The following DNAH5 variants were observed in gnomAD, a reference collection of about 807,000 sequenced individuals.
The protein encoded by DNAH5 is dynein axonemal heavy chain 5, also known as axonemal beta dynein heavy chain 5.
A neutral mutation model predicts 518.2 loss-of-function variants in DNAH5; 372 were observed. The observed-to-expected ratio is 0.72, with a 90% CI of 0.66 to 0.78. The LOEUF is 0.78. Among genes scored for constraint, DNAH5 ranks in the 30% least tolerant of loss-of-function variants. The probability of loss-of-function intolerance (pLI) is 0.00; values close to 1 mark genes in which losing one functional copy is unlikely to be tolerated. For missense variants in DNAH5, 5,523 were observed against 5,687.0 expected, an observed-to-expected ratio of 0.97 and a Z score of 0.93; for synonymous variants, 2,039 against 2,025.9, an observed-to-expected ratio of 1.01 and a Z score of -0.17.
chr5:13,748,580 G>A (rs1253826927), intron 65 of DNAH5, among the ~76,000 whole-genome samples: 4 of 152,096 alleles, frequency 2.6e-5, no homozygotes, highest in South Asian at 2.1e-4. Flanking sequence ...AGTTCTCCTT[G>A]AAGAGGTCCT....
At chr5:13,770,561 T>G (rs993459949) in intron 56 of DNAH5, among the ~76,000 whole-genome samples, 188 bp downstream of exon 56, 1 of 152,118 alleles carries the variant, frequency 6.6e-6, no homozygotes, top group African/African-American at 2.4e-5. Context: ...GAAAAGAACT[T>G]CAGGAAGTTT....
intron 10 of DNAH5, 140 bp from the exon 11 acceptor site, chr5:13,914,098 C>T (rs1409379124): frequency 1.9e-6 from 2 of 1,044,428 alleles, no homozygotes; most frequent in Non-Finnish European, 2.7e-6. Flanking sequence ...ACTCACTCAT[C>T]AGCCTGGAAA....
chr5:13,966,705 T>C (rs1781551735), intron 1 of DNAH5, among the ~76,000 whole-genome samples: 1 of 152,210 alleles, frequency 6.6e-6, no homozygotes, highest in South Asian at 2.1e-4. Flanking sequence ...TTTGATGGGA[T>C]TGTTTGATTT....
Position 13,719,008 on chromosome 5 carries a change from C to G in DNAH5, c.12373G>C (p.Ala4125Pro), listed in dbSNP as rs757737381. ...IIIETELVHD[A>P]FRLWMTTEAH... ...TCGGTGGTCATCCAGAGGCGGAACGCATCATGTACAAGCTCAGTTTCTATG... is the reference window on the plus strand; with the variant it reads ...TCGGTGGTCATCCAGAGGCGGAACGGATCATGTACAAGCTCAGTTTCTATG... The change falls in exon 72 of 79, where the codon GCG (alanine) becomes CCG (proline). Residue 4125 changes from alanine to proline, a missense_variant. By Grantham distance (27) the Ala-to-Pro change is conservative. Transcript: ENST00000265104. The G allele has an allele frequency of 6.2e-7, 1 of 1,613,954 alleles. No individual in the cohort carries two copies. The highest frequency in any genetic ancestry group is 8.5e-7 in the Non-Finnish European group (1 of 1,179,960).
intron 43 of DNAH5, among the ~76,000 whole-genome samples, chr5:13,812,660 T>G (rs1221872455): frequency 6.6e-6 from 1 of 152,214 alleles, no homozygotes; most frequent in Non-Finnish European, 1.5e-5. Context: ...TTGTTTCTTT[T>G]TATTTCTTCT....
intron 2 of DNAH5, 56 bp from the exon 3 acceptor site, chr5:13,928,234 T>A (rs935468781): frequency 1.5e-6 from 2 of 1,329,052 alleles, no homozygotes; most frequent in African/African-American, 1.4e-5. Context: ...GAAACTGCAA[T>A]TAAATCAGCA....
intron 75 of DNAH5, among the ~76,000 whole-genome samples, chr5:13,713,296 T>TAC (rs1001856481): frequency 6.8e-6 from 1 of 146,532 alleles, no homozygotes; most frequent in African/African-American, 2.5e-5. Context: ...AACATATATA[T>TAC]ACCGACATAT....
intron 70 of DNAH5, among the ~76,000 whole-genome samples, chr5:13,723,233 T>G (rs1745294449): frequency 6.6e-6 from 1 of 152,228 alleles, no homozygotes; most frequent in African/African-American, 2.4e-5. Context: ...TTAATAAGTT[T>G]GCCTGATATG....
Position 13,885,221 on chromosome 5 carries a change from T to C in DNAH5, c.2751A>G (p.Arg917=). 6.2e-7 allele frequency: 1 copy of C among 1,614,100 alleles called. No individual in the cohort carries two copies. ...VNYKNESSAK[R]EEGNFDTLTS... ...TCAAGGTGTCAAAATTTCCTTCTTC[T>C]CTTTTTGCTGTTACAAGATGAAAGA... Residue 917 remains arginine (R), a synonymous_variant, in exon 19 of 79, where the codon AGA becomes AGG. Coordinates refer to ENST00000265104, the MANE Select transcript of DNAH5 (RefSeq NM_001369.3).
chr5:13,810,516 G>A (rs537506481), intron 44 of DNAH5: 8 of 465,714 alleles, frequency 1.7e-5, no homozygotes, highest in African/African-American at 4.2e-5. Context: ...CGAGGCGGGC[G>A]GATCATGAGG....
rs1183819372 is a variant in DNAH5 at position 13,707,157 on chromosome 5, G to A, written c.13338+966C>T. Among the ~76,000 whole-genome samples the A allele has an allele frequency of 8.6e-5, 13 of 151,738 alleles. No individual in the cohort carries two copies. The highest frequency in any genetic ancestry group is 3.3e-4 in the Admixed American group (5 of 15,242). On this transcript the variant is annotated intron_variant, in intron 76 of 78. Coordinates refer to ENST00000265104, the MANE Select transcript of DNAH5 (RefSeq NM_001369.3). This position sits in a 1 kb window ranked among gnomAD's most constrained non-coding sequence, Gnocchi z 4.0. ...TATACTGGCAGGACCAACAGACACC[G>A]CTGACAGCGGGACGACGTGGAATTT... is the stretch of plus-strand genomic sequence containing the variant.
chr5:13,811,950 T>G, intron 43 of DNAH5, 127 bp from the exon 44 acceptor site: 1 of 778,326 alleles, frequency 1.3e-6, no homozygotes, highest in South Asian at 1.6e-5. Flanking sequence ...CCACACACTA[T>G]GTTCCAGGCT....
At chr5:13,829,267 T>C (rs1288780191) in intron 38 of DNAH5, among the ~76,000 whole-genome samples, 3 of 152,238 alleles carry the variant, frequency 2.0e-5, no homozygotes, top group African/African-American at 7.2e-5. Context: ...CATAAGTCTT[T>C]GGCTCTTAAA....
intron 52 of DNAH5, among the ~76,000 whole-genome samples, chr5:13,783,480 T>C (rs1384373574): frequency 1.3e-5 from 2 of 151,960 alleles, no homozygotes; most frequent in African/African-American, 4.8e-5. Flanking sequence ...AGTATATGGG[T>C]GGGGAATACA....
intron 1 of DNAH5, among the ~76,000 whole-genome samples, chr5:13,959,946 C>A (rs1182493316): frequency 6.6e-6 from 1 of 151,836 alleles, no homozygotes; most frequent in Non-Finnish European, 1.5e-5. Flanking sequence ...CCAGCCTGGG[C>A]AACAAGAGCT....
chr5:13,761,240 TAAA>T (rs1751725444), intron 60 of DNAH5, among the ~76,000 whole-genome samples: 1 of 152,174 alleles, frequency 6.6e-6, no homozygotes, highest in Non-Finnish European at 1.5e-5. Context: ...GCTATGTACT[TAAA>T]ATGACAACAA....
intron 52 of DNAH5, among the ~76,000 whole-genome samples, chr5:13,785,705 T>A (rs976474409): frequency 1.3e-5 from 2 of 152,208 alleles, no homozygotes; most frequent in African/African-American, 2.4e-5. Flanking sequence ...AATTCTCCAT[T>A]CTACTTTTTG....
At chr5:13,808,464 C>T (rs1307250017) in intron 46 of DNAH5, among the ~76,000 whole-genome samples, 4 of 152,042 alleles carry the variant, frequency 2.6e-5, no homozygotes, top group Admixed American at 6.6e-5. Flanking sequence ...ACTAGCTCAG[C>T]GATCAAAGCA....
chr5:13,944,321 C>G (rs1036507661), intron 1 of DNAH5, 61 bp downstream of exon 1: 1 of 1,554,016 alleles, frequency 6.4e-7, no homozygotes, highest in African/African-American at 1.4e-5. Context: ...TTTTTTCCAC[C>G]CAGGTGTGAC....
Sources: allele counts gnomAD v4.1 joint callset (sites outside exome capture counted in the v4.1 genomes callset), GRCh38; gene constraint gnomAD v4.1.1; non-coding constraint Gnocchi (gnomAD v3.1); transcripts MANE v1.5; gene names NCBI Gene and HGNC (gene_info 2026-07-23, HGNC 2026-07-21).